PAK5: variants seen among roughly 807,000 people sequenced by gnomAD.
The protein encoded by PAK5 is p21 (RAC1) activated kinase 5.
Under a neutral mutation model 65.9 loss-of-function variants are expected in PAK5, and 16 were observed. The observed-to-expected ratio is 0.24, with a 90% CI of 0.16 to 0.37. The LOEUF (loss-of-function observed/expected upper bound fraction) is 0.37, where lower values mean the gene tolerates loss of function less well. Ranked by LOEUF, PAK5 falls within the 10% of genes least tolerant of loss-of-function variation. The pLI, the probability that PAK5 is intolerant of heterozygous loss-of-function variation, is 1.00. For missense variants in PAK5, 785 were observed against 903.9 expected, an observed-to-expected ratio of 0.87 and a Z score of 1.69; for synonymous variants, 371 against 354.9, an observed-to-expected ratio of 1.05 and a Z score of -0.51.
chr20:9,605,654 C>T (rs1159385119), intron 3 of PAK5, among the ~76,000 whole-genome samples: 2 of 152,266 alleles, frequency 1.3e-5, no homozygotes, highest in East Asian at 3.9e-4. Flanking sequence ...AATTGCCAGG[C>T]AAGGTGACTC....
intron 2 of PAK5, among the ~76,000 whole-genome samples, chr20:9,656,031 A>G (rs762607611): frequency 7.9e-5 from 12 of 152,152 alleles, no homozygotes; most frequent in Non-Finnish European, 1.5e-4. Context: ...ATTGGAGGTT[A>G]GGATTTCAAT....
At chr20:9,572,212 T>C (rs899690789) in intron 4 of PAK5, among the ~76,000 whole-genome samples, 1 of 152,160 alleles carries the variant, frequency 6.6e-6, no homozygotes, top group Non-Finnish European at 1.5e-5. Flanking sequence ...AAAGCAGAAC[T>C]CTGCATTGTT....
intron 1 of PAK5, among the ~76,000 whole-genome samples, chr20:9,773,427 C>T (rs2072654866): frequency 6.6e-6 from 1 of 152,052 alleles, no homozygotes; most frequent in Non-Finnish European, 1.5e-5. Flanking sequence ...TGTGATGTTC[C>T]CCTTCCTGTG....
At chr20:9,733,844 T>C (rs531139146) in intron 1 of PAK5, among the ~76,000 whole-genome samples, 87 of 152,266 alleles carry the variant, frequency 5.7e-4, no homozygotes, top group Middle Eastern at 3.4e-3. Flanking sequence ...TCTCTACCCA[T>C]CTCTCCAGAC....
Position 9,638,678 on chromosome 20 carries a change from C to T in PAK5, c.204+5447G>A, listed in dbSNP as rs1389478212. Among the ~76,000 whole-genome samples, 5 of 152,204 alleles carry T rather than the reference C, an allele frequency of 3.3e-5. No homozygotes were observed. In the South Asian group the frequency reaches 1.0e-3, roughly 32 times the overall value. ...ATCAAACTCTTCAGGTGATTCTGAT[C>T]TGCTGTATGGCTGGAGAAGCCCTGG... On this transcript the variant is annotated intron_variant, in intron 3 of 9. Transcript: ENST00000353224.
chr20:9,823,566 T>G (rs2049448724), intron 1 of PAK5, among the ~76,000 whole-genome samples: 1 of 152,242 alleles, frequency 6.6e-6, no homozygotes, highest in Admixed American at 6.5e-5. Flanking sequence ...TTCCGCCATG[T>G]AAGACGATCG....
intron 1 of PAK5, among the ~76,000 whole-genome samples, chr20:9,717,923 A>G (rs947123245): frequency 6.6e-6 from 1 of 152,126 alleles, no homozygotes; most frequent in Non-Finnish European, 1.5e-5. Context: ...CTCGGCCGCC[A>G]TTTTGTACTT....
At chr20:9,662,880 T>C (rs2047365810) in intron 2 of PAK5, among the ~76,000 whole-genome samples, 1 of 152,132 alleles carries the variant, frequency 6.6e-6, no homozygotes, top group African/African-American at 2.4e-5. Context: ...CTAAGGTCAC[T>C]CAGCTAGCTA....
intron 2 of PAK5, among the ~76,000 whole-genome samples, chr20:9,646,209 T>C (rs1377950601): frequency 6.6e-6 from 1 of 152,232 alleles, no homozygotes; most frequent in East Asian, 1.9e-4. Flanking sequence ...TAAACACTTG[T>C]CCCTGTGTGG....
At chr20:9,682,837 G>T (rs1018751195) in intron 2 of PAK5, among the ~76,000 whole-genome samples, 2 of 152,146 alleles carry the variant, frequency 1.3e-5, no homozygotes, top group Non-Finnish European at 2.9e-5. Context: ...CTCATCCATT[G>T]GAATGACAAC....
intron 1 of PAK5, among the ~76,000 whole-genome samples, chr20:9,733,232 C>A (rs1392347120): frequency 6.6e-6 from 1 of 152,138 alleles, no homozygotes; most frequent in Non-Finnish European, 1.5e-5. Context: ...GGGATAAATT[C>A]TTTGAAGGCA....
chr20:9,730,031 G>T (rs1400728592), intron 1 of PAK5, among the ~76,000 whole-genome samples: 1 of 85,502 alleles, frequency 1.2e-5, no homozygotes, highest in South Asian at 6.4e-4. Context: ...GAGAGAGAGA[G>T]AATTGTCTCG....
intron 1 of PAK5, among the ~76,000 whole-genome samples, chr20:9,714,693 A>G (rs1367925448): frequency 6.6e-6 from 1 of 152,206 alleles, no homozygotes; most frequent in Non-Finnish European, 1.5e-5. Context: ...TGGTACCAAA[A>G]CAGATATAGA....
chr20:9,539,970 C>A (rs181635484), intron 9 of PAK5, among the ~76,000 whole-genome samples: 1 of 152,224 alleles, frequency 6.6e-6, no homozygotes, highest in East Asian at 1.9e-4. Flanking sequence ...AAACAGGGAG[C>A]CGTTTTATTT....
At position 9,640,504 on chromosome 20, in the gene PAK5, T is replaced by C. The variant is rs558750503; in HGVS notation, c.204+3621A>G. On this transcript the variant is annotated intron_variant, in intron 3 of 9. Transcript: ENST00000353224. ...GGTTTCAAGTCTTTGCTATTGTGAA[T>C]AGTGCCGCAATAAACATACGTGTGC... Among the ~76,000 whole-genome samples the C allele has an allele frequency of 3.9e-5, 6 of 152,278 alleles. No individual in the cohort carries two copies. The East Asian group carries it at 1.2e-3, about 29-fold the overall frequency.
chr20:9,593,435 C>A (rs951920555), intron 3 of PAK5, among the ~76,000 whole-genome samples: 1 of 152,068 alleles, frequency 6.6e-6, no homozygotes, highest in African/African-American at 2.4e-5. Context: ...GTCTATGGTG[C>A]TTTCCTTTTT....
intron 1 of PAK5, among the ~76,000 whole-genome samples, chr20:9,801,000 A>C (rs144456333): frequency 9.9e-5 from 15 of 152,192 alleles, no homozygotes; most frequent in African/African-American, 3.6e-4. Context: ...GTCTTCTAAC[A>C]ACAGTTCAGG....
chr20:9,745,875 T>TAAA (rs5840329), intron 1 of PAK5, among the ~76,000 whole-genome samples: 1 of 150,704 alleles, frequency 6.6e-6, no homozygotes, highest in African/African-American at 2.4e-5. Flanking sequence ...ATGTAACAAC[T>TAAA]AAAAAAAAAG....
At chr20:9,690,540 G>C (rs546283254) in intron 2 of PAK5, among the ~76,000 whole-genome samples, 1 of 151,890 alleles carries the variant, frequency 6.6e-6, no homozygotes, top group African/African-American at 2.4e-5. Flanking sequence ...AGTGAGTACC[G>C]TGGGCAACTG....
Sources: allele counts gnomAD v4.1 joint callset (sites outside exome capture counted in the v4.1 genomes callset), GRCh38; gene constraint gnomAD v4.1.1; transcripts MANE v1.5; gene names NCBI Gene and HGNC (gene_info 2026-07-23, HGNC 2026-07-21).